PALM: variants seen among roughly 807,000 people sequenced by gnomAD.
PALM encodes the protein paralemmin.
In PALM, 18 loss-of-function variants were observed where a neutral mutation model predicts 30.7. The ratio of observed to expected loss-of-function variants is 0.59; its 90% CI spans 0.41 to 0.87. PALM has a LOEUF of 0.87. Among genes scored for constraint, PALM ranks in the 40% least tolerant of loss-of-function variants. The pLI, the probability that PALM is intolerant of heterozygous loss-of-function variation, is 0.00. For synonymous variants in PALM, 286 were observed against 242.8 expected (o/e 1.18, Z -1.66); for missense variants, 529 against 555.4 (o/e 0.95, Z 0.48).
At position 747,024 on chromosome 19, in the gene PALM, G is replaced by C. The variant is rs112240740; in HGVS notation, c.*210G>C. Reference sequence around the variant, plus strand: ...CCAACACTCCCCCCGAACCAGAGCCGTGCACTTGTGCCTGGTAGGAGAGAG... The same window carrying C: ...CCAACACTCCCCCCGAACCAGAGCCCTGCACTTGTGCCTGGTAGGAGAGAG... On this transcript the variant is annotated 3_prime_UTR_variant, in exon 9 of 9. Transcript: ENST00000338448. 1.6e-5 allele frequency: 9 copies of C among 572,952 alleles called. No homozygotes were observed. The highest frequency in any genetic ancestry group is 1.5e-4 in the African/African-American group (8 of 53,274). 35.5% of individuals were successfully genotyped at this position (572,952 alleles called of 1,614,324 possible).
chr19:736,992 G>A (rs1409497632), intron 7 of PALM, among the ~76,000 whole-genome samples: 2 of 152,256 alleles, frequency 1.3e-5, no homozygotes, highest in Admixed American at 6.5e-5. Flanking sequence ...GGCGGAGTTT[G>A]TAGTGAGCCA....
chr19:719,362 G>A (rs1425145291), intron 1 of PALM: 2 of 985,466 alleles, frequency 2.0e-6, no homozygotes, highest in Middle Eastern at 5.2e-4. Context: ...CCTGGAGCAG[G>A]ACTATCTCAC....
intron 4 of PALM, among the ~76,000 whole-genome samples, chr19:729,387 G>A (rs540628597): frequency 4.6e-5 from 7 of 151,684 alleles, no homozygotes; most frequent in African/African-American, 9.7e-5. Flanking sequence ...GGAATGAGCC[G>A]AGTGTTACCC....
rs1015917084 is a variant in PALM, at chr19:746,910, G to A, written c.*96G>A. The stretch of plus-strand genomic sequence containing the variant: ...GCCCACCCTCCACCCACAGCCTCAC[G>A]GGTCCAGGACTTGGCGTGTTGTTAC... On this transcript the variant is annotated 3_prime_UTR_variant, in exon 9 of 9. Coordinates refer to ENST00000338448, the MANE Select transcript of PALM (RefSeq NM_002579.3). This position sits in a 1 kb window ranked among gnomAD's most constrained non-coding sequence, Gnocchi z 7.1. 1.7e-5 allele frequency: 12 copies of A among 688,990 alleles called. No homozygotes were observed. The highest frequency in any genetic ancestry group is 5.7e-5 in the South Asian group (3 of 52,436). 42.7% of individuals were successfully genotyped at this position (688,990 alleles called of 1,614,324 possible).
At chr19:727,178 CAATCCCAACCT>C in intron 3 of PALM, 90 bp downstream of exon 3, 2 of 830,934 alleles carry the variant, frequency 2.4e-6, no homozygotes, top group Non-Finnish European at 3.9e-6. Flanking sequence ...ACCCTGACCC[CAATCCCAACCT>C]GACCCTGACC....
At chr19:711,189 T>C (rs2032068263) in intron 1 of PALM, 1 of 984,760 alleles carries the variant, frequency 1.0e-6, no homozygotes, top group Non-Finnish European at 1.2e-6. Flanking sequence ...ACAGGGCCGA[T>C]GCTGCCAAGG....
chr19:724,909 C>G (rs1315289246), intron 1 of PALM, among the ~76,000 whole-genome samples: 1 of 151,710 alleles, frequency 6.6e-6, no homozygotes, highest in African/African-American at 2.4e-5. Context: ...CAGGCGTGAG[C>G]AGCTGTGGTT....
Position 726,998 on chromosome 19 carries a change from C to CA in PALM, c.58-10_58-9insA. On this transcript the variant is annotated splice_polypyrimidine_tract_variant and intron_variant, in intron 2 of 8. Coordinates refer to ENST00000338448, the MANE Select transcript of PALM (RefSeq NM_002579.3). The stretch of plus-strand genomic sequence containing the variant: ...CGCCCATCCCTGACCCCACCCGGCC[C>CA]TCCCCACAGGAGAAGCGGAAGCGGC... 5 of 1,460,786 alleles carry CA rather than the reference C, an allele frequency of 3.4e-6. No individual in the cohort carries two copies. Among genetic ancestry groups the CA allele is most frequent in the East Asian group, 2.5e-5 (1 of 39,476 alleles). 90.5% of individuals were successfully genotyped at this position (1,460,786 alleles called of 1,614,324 possible).
Position 726,986 on chromosome 19 carries a change from CCCCACCCG to C in PALM, c.58-21_58-14del. On this transcript the variant is annotated splice_polypyrimidine_tract_variant and intron_variant, in intron 2 of 8. Coordinates refer to ENST00000338448, the MANE Select transcript of PALM (RefSeq NM_002579.3). ...CCGGGACCCCCACGCCCATCCCTGA[CCCCACCCG>C]GCCCTCCCCACAGGAGAAGCGGAAG... The C allele has an allele frequency of 4.9e-6, 5 of 1,024,586 alleles. No individual in the cohort carries two copies. Among genetic ancestry groups the C allele is most frequent in the Non-Finnish European group, 2.9e-6 (2 of 686,436 alleles). The allele number at this position is 1,024,586 out of a possible 1,614,324, so 63.5% of individuals were successfully genotyped here. A position where few individuals can be genotyped will look rare whatever the true frequency, so the allele number is the denominator to read the frequency against.
intron 2 of PALM, 24 bp from the exon 3 acceptor site, chr19:726,984 G>GACCCCCCCCCCCCC: frequency 8.5e-7 from 1 of 1,183,058 alleles, no homozygotes; most frequent in Non-Finnish European, 1.2e-6. Flanking sequence ...GCCCATCCCT[G>GACCCCCCCCCCCCC]ACCCCACCCG....
chr19:745,359 A>G (rs918717738), intron 8 of PALM, among the ~76,000 whole-genome samples: 2 of 152,026 alleles, frequency 1.3e-5, no homozygotes, highest in Non-Finnish European at 2.9e-5. Context: ...ATGAATCCCT[A>G]CTTTTCAGGG....
intron 6 of PALM, among the ~76,000 whole-genome samples, chr19:735,388 A>G (rs113517944): frequency 4.1e-3 from 234 of 57,640 alleles, no homozygotes; most frequent in East Asian, 4.8e-3. Flanking sequence ...GCCTGTCTGG[A>G]TGTCTGGGGG....
At chr19:727,225 CG>C (rs2032703636) in intron 3 of PALM, 137 bp downstream of exon 3, 9 of 539,716 alleles carry the variant, frequency 1.7e-5, no homozygotes, top group Admixed American at 3.8e-5. Flanking sequence ...ACCCTGACCC[CG>C]ACCCTGACCC....
rs192972883 is a variant in PALM at position 746,643 on chromosome 19, C to G, written c.993C>G (p.Ile331Met). The change falls in exon 9 of 9, where the codon ATC becomes ATG. Residue 331 changes from isoleucine (I) to methionine (M), a missense_variant. Ile to Met is a conservative substitution (Grantham distance 10, BLOSUM62 1). Transcript: ENST00000338448. The surrounding 1 kb of genome is among the most constrained non-coding windows in gnomAD (Gnocchi z 7.1). ...CCATCACGGCGGAGCTGGTGGTCAT[C>G]GAAGACGCGGCTGAGCCCAAGGAGC... ...QDTITAELVVIEDAAEPKEPA... is the reference protein window; with the variant it reads ...QDTITAELVVMEDAAEPKEPA... 6.2e-7 allele frequency: 1 copy of G among 1,612,516 alleles called. No homozygotes were observed. The highest frequency in any genetic ancestry group is 1.3e-5 in the African/African-American group (1 of 74,908).
intron 1 of PALM, chr19:719,402 C>T (rs1156732026): frequency 4.1e-6 from 4 of 985,484 alleles, no homozygotes; most frequent in Non-Finnish European, 4.8e-6. Context: ...CGCCGGGCCC[C>T]GAGCCGCCCA....
At position 746,227 on chromosome 19, in the gene PALM, A is replaced by C; in HGVS notation, c.635-58A>C. 7.0e-7 allele frequency: 1 copy of C among 1,421,450 alleles called. No homozygotes were observed. The highest frequency in any genetic ancestry group is 9.8e-7 in the Non-Finnish European group (1 of 1,021,926). The allele number at this position is 1,421,450 out of a possible 1,614,324, so 88.1% of individuals were successfully genotyped here. On this transcript the variant is annotated intron_variant, in intron 8 of 8. Transcript: ENST00000338448. The surrounding 1 kb of genome is among the most constrained non-coding windows in gnomAD (Gnocchi z 7.1). ...GTTTCCCTCCTGCCTGAGCCAGGTCACTCTCTCTGTCCCTCCTGCCTGGAG... is the reference window on the plus strand; with the variant it reads ...GTTTCCCTCCTGCCTGAGCCAGGTCCCTCTCTCTGTCCCTCCTGCCTGGAG...
chr19:717,353 C>A (rs2032299079), intron 1 of PALM, among the ~76,000 whole-genome samples: 1 of 152,096 alleles, frequency 6.6e-6, no homozygotes, highest in South Asian at 2.1e-4. Context: ...CCCTTCCTGT[C>A]TCTGGATCGG....
chr19:726,957 G>GGGCC, intron 2 of PALM, 51 bp from the exon 3 acceptor site: 2 of 1,109,142 alleles, frequency 1.8e-6, no homozygotes, highest in East Asian at 2.7e-5. Flanking sequence ...GGGTGGGGGG[G>GGGCC]TCTCCGGGAC....
intron 1 of PALM, among the ~76,000 whole-genome samples, chr19:721,183 C>G (rs1389792486): frequency 6.6e-6 from 1 of 152,136 alleles, no homozygotes; most frequent in Non-Finnish European, 1.5e-5. Context: ...AGTGAAGGGG[C>G]CGACCTGAGG....
Sources: allele counts gnomAD v4.1 joint callset (sites outside exome capture counted in the v4.1 genomes callset), GRCh38; gene constraint gnomAD v4.1.1; non-coding constraint Gnocchi (gnomAD v3.1); transcripts MANE v1.5; gene names NCBI Gene and HGNC (gene_info 2026-07-23, HGNC 2026-07-21).